The following TASP1 variants were observed in gnomAD, a reference collection of about 807,000 sequenced individuals.
TASP1 encodes the protein taspase 1, also known as threonine aspartase 1.
TASP1 carries 16 observed loss-of-function variants against 56.6 expected under a neutral mutation model. That is an observed-to-expected ratio of 0.28 (90% CI 0.19 to 0.43). TASP1 has a LOEUF of 0.43. Ranked by LOEUF, TASP1 falls within the 20% of genes least tolerant of loss-of-function variation. The probability of loss-of-function intolerance (pLI) is 1.00; values close to 1 mark genes in which losing one functional copy is unlikely to be tolerated. For missense variants in TASP1, 393 were observed against 511.6 expected (o/e 0.77, Z 2.24); for synonymous variants, 179 against 184.2 (o/e 0.97, Z 0.23).
chr20:13,277,376 C>T, the TASP1 span, among the ~76,000 whole-genome samples: 4 of 152,106 alleles, frequency 2.6e-5, no homozygotes, highest in African/African-American at 9.7e-5. Context: ...CCTCCAAGAC[C>T]CTTAATAGCC....
chr20:13,259,679 T>A, the TASP1 span, among the ~76,000 whole-genome samples: 1 of 152,214 alleles, frequency 6.6e-6, no homozygotes, highest in South Asian at 2.1e-4. Context: ...CACTGAGTTA[T>A]TGTTTCTACT....
the TASP1 span, among the ~76,000 whole-genome samples, chr20:13,208,784 G>C: frequency 6.6e-6 from 1 of 152,212 alleles, no homozygotes; most frequent in African/African-American, 2.4e-5. Flanking sequence ...TGATGAACCA[G>C]GTCCTGGGCC....
chr20:13,302,492 A>G, the TASP1 span, among the ~76,000 whole-genome samples: 1 of 152,144 alleles, frequency 6.6e-6, no homozygotes, highest in East Asian at 1.9e-4. Context: ...CCCTTATCTC[A>G]TTCAACACAG....
At chr20:13,411,181 T>C (rs2042083188) in intron 13 of TASP1, among the ~76,000 whole-genome samples, 1 of 152,188 alleles carries the variant, frequency 6.6e-6, no homozygotes, top group Admixed American at 6.5e-5. Context: ...TCTATTGGTC[T>C]ATATGCCTGT....
chr20:13,528,195 T>C (rs1184720644), intron 10 of TASP1, among the ~76,000 whole-genome samples: 1 of 117,032 alleles, frequency 8.5e-6, no homozygotes, highest in East Asian at 2.6e-4. Flanking sequence ...TGCTCCAGCA[T>C]GGGGACAGAG....
intron 6 of TASP1, among the ~76,000 whole-genome samples, chr20:13,580,623 A>G (rs1273597118): frequency 6.6e-6 from 1 of 152,188 alleles, no homozygotes. Context: ...CTCAAAATTA[A>G]AAATTACTTT....
chr20:13,163,142 C>T, the TASP1 span, among the ~76,000 whole-genome samples: 13 of 151,996 alleles, frequency 8.6e-5, no homozygotes, highest in East Asian at 9.7e-4. Context: ...TTGAGGTGGG[C>T]GGATGACCTG....
At chr20:13,299,590 C>A in the TASP1 span, 1 of 893,384 alleles carries the variant, frequency 1.1e-6, no homozygotes, top group Non-Finnish European at 1.7e-6. This position sits in a 1 kb window ranked among gnomAD's most constrained non-coding sequence, Gnocchi z 5.8. Context: ...ATGAGTATTT[C>A]TCATACATTA....
chr20:13,454,980 G>A (rs778424144), intron 11 of TASP1, among the ~76,000 whole-genome samples: 1 of 152,064 alleles, frequency 6.6e-6, no homozygotes, highest in African/African-American at 2.4e-5. Context: ...AAGCTGACCT[G>A]TTTGATTTAA....
the TASP1 span, among the ~76,000 whole-genome samples, chr20:13,357,461 G>A: frequency 1.3e-5 from 2 of 152,188 alleles, no homozygotes; most frequent in African/African-American, 4.8e-5. Flanking sequence ...AATAACTGAA[G>A]AGAAAAGACA....
chr20:13,212,637 A>G, the TASP1 span, among the ~76,000 whole-genome samples: 1 of 152,136 alleles, frequency 6.6e-6, no homozygotes, highest in Non-Finnish European at 1.5e-5. Flanking sequence ...CCAAAACACT[A>G]CTTTTTGTTT....
At chr20:13,245,655 C>T in the TASP1 span, among the ~76,000 whole-genome samples, 1 of 152,148 alleles carries the variant, frequency 6.6e-6, no homozygotes, top group Non-Finnish European at 1.5e-5. Flanking sequence ...TTACATGGGT[C>T]CTTACTTTTC....
At chr20:13,560,532 G>A (rs1441782308) in intron 7 of TASP1, among the ~76,000 whole-genome samples, 1 of 152,066 alleles carries the variant, frequency 6.6e-6, no homozygotes, top group Non-Finnish European at 1.5e-5. Flanking sequence ...CCATAACTGA[G>A]TCCATTACTC....
chr20:13,295,777 C>A, the TASP1 span, among the ~76,000 whole-genome samples: 18 of 152,314 alleles, frequency 1.2e-4, no homozygotes, highest in Admixed American at 7.2e-4. Context: ...TTGGAGGAGT[C>A]GCTTGTCGGG....
the TASP1 span, among the ~76,000 whole-genome samples, chr20:13,122,268 G>C: frequency 6.6e-6 from 1 of 152,198 alleles, no homozygotes; most frequent in South Asian, 2.1e-4. Context: ...AAACAAGAGA[G>C]ATAGACATGA....
intron 12 of TASP1, among the ~76,000 whole-genome samples, chr20:13,419,031 G>A (rs1255457516): frequency 1.3e-5 from 2 of 152,114 alleles, no homozygotes; most frequent in African/African-American, 2.4e-5. Flanking sequence ...GGGGAGAGAT[G>A]TTATAAAGGA....
the TASP1 span, among the ~76,000 whole-genome samples, chr20:13,375,885 A>G: frequency 1.9e-4 from 29 of 151,722 alleles, no homozygotes; most frequent in African/African-American, 6.8e-4. Context: ...TTCTTTTAAG[A>G]AGTGTCTGTT....
At chr20:13,313,250 C>G in the TASP1 span, among the ~76,000 whole-genome samples, 1,310 of 152,314 alleles carry the variant, frequency 8.6e-3, 26 homozygotes, top group African/African-American at 0.03. Context: ...AATTTCCCCC[C>G]ACACGCACCT....
intron 11 of TASP1, among the ~76,000 whole-genome samples, chr20:13,457,135 G>C (rs2043872607): frequency 6.6e-6 from 1 of 152,038 alleles, no homozygotes; most frequent in Non-Finnish European, 1.5e-5. Flanking sequence ...ATGGGGGACT[G>C]GGGGAGGGAT....
Sources: allele counts gnomAD v4.1 joint callset (sites outside exome capture counted in the v4.1 genomes callset), GRCh38; gene constraint gnomAD v4.1.1; non-coding constraint Gnocchi (gnomAD v3.1); transcripts MANE v1.5; gene names NCBI Gene and HGNC (gene_info 2026-07-23, HGNC 2026-07-21).